Variants in FOXN4 observed in about 807,000 individuals in gnomAD.
The protein encoded by FOXN4 is forkhead box N4, also known as forkhead box protein N4.
In FOXN4, 12 loss-of-function variants were observed where a neutral mutation model predicts 45.0. The observed-to-expected ratio is 0.27, with a 90% CI of 0.17 to 0.43. The LOEUF (loss-of-function observed/expected upper bound fraction) is 0.43. Ranked by LOEUF, FOXN4 falls within the 20% of genes least tolerant of loss-of-function variation. The probability of loss-of-function intolerance (pLI) is 1.00; values close to 1 mark genes in which losing one functional copy is unlikely to be tolerated. For synonymous variants in FOXN4, 297 were observed against 295.0 expected, an observed-to-expected ratio of 1.01 and a Z score of -0.07; for missense variants, 560 against 694.9, an observed-to-expected ratio of 0.81 and a Z score of 2.18.
At chr12:109,302,811 C>T (rs1301574492) in intron 2 of FOXN4, among the ~76,000 whole-genome samples, 1 of 152,212 alleles carries the variant, frequency 6.6e-6, no homozygotes, top group African/African-American at 2.4e-5. Context: ...CTGATTACAA[C>T]AAGGTTTCGC....
rs1199980887 is a variant in FOXN4 at position 109,278,529 on chromosome 12, G to A, written c.*1142C>T. The A allele has an allele frequency of 2.0e-5, 3 of 152,194 alleles. No homozygotes were observed. The highest frequency in any genetic ancestry group is 4.4e-5 in the Non-Finnish European group (3 of 68,040). 9.4% of individuals were successfully genotyped at this position (152,194 alleles called of 1,614,324 possible). ...CAGCTGCAGGGCAAAGGGAGGTGAG[G>A]AAGTGCCAATAAATATCATGCGTTG... On this transcript the variant is annotated 3_prime_UTR_variant, in exon 10 of 10. Coordinates refer to ENST00000299162, the MANE Select transcript of FOXN4 (RefSeq NM_213596.3).
intron 2 of FOXN4, among the ~76,000 whole-genome samples, chr12:109,302,453 T>G (rs1480923747): frequency 6.6e-6 from 1 of 152,226 alleles, no homozygotes; most frequent in Non-Finnish European, 1.5e-5. Context: ...GGAAAGAATA[T>G]CCATCTTGAG....
intron 2 of FOXN4, among the ~76,000 whole-genome samples, chr12:109,303,914 A>AT (rs1237807463): frequency 2.0e-5 from 3 of 152,062 alleles, no homozygotes; most frequent in Non-Finnish European, 4.4e-5. Flanking sequence ...GGTTGTTACT[A>AT]TAAAAAAGTG....
chr12:109,279,787 G>C lies in FOXN4; in HGVS notation c.1438C>G (p.Gln480Glu), dbSNP rs774527214. ...TACGCTGTGTAGAGACCCGTCACCT[G>C]CAAGTCTGGGAAGGACTGGTCGCTG... is the stretch of plus-strand genomic sequence containing the variant. ...GGSDQSFPDL[Q>E]VTGLYTAYST... Residue 480 changes from glutamine to glutamate, a missense_variant, in exon 10 of 10, where the codon CAG (glutamine) becomes GAG (glutamate). Physicochemically the swap from Gln to Glu is conservative, Grantham distance 29. Coordinates refer to ENST00000299162, the MANE Select transcript of FOXN4 (RefSeq NM_213596.3). 6.2e-6 allele frequency: 10 copies of C among 1,607,172 alleles called. No individual in the cohort carries two copies. Among genetic ancestry groups the C allele is most frequent in the African/African-American group, 1.3e-5 (1 of 74,830 alleles).
chr12:109,305,446 T>G (rs2047912876), intron 2 of FOXN4, among the ~76,000 whole-genome samples: 1 of 152,304 alleles, frequency 6.6e-6, no homozygotes, highest in African/African-American at 2.4e-5. Flanking sequence ...AAGAAAACAC[T>G]GCTGGGCACG....
Position 109,308,277 on chromosome 12 carries a change from T to G in FOXN4, c.45A>C (p.Arg15=). ...AGGGGTGGTGATTTTGCCCTGAGTT[T>G]CGAATAATTCCTGACATTATGGATG... is the stretch of plus-strand genomic sequence containing the variant. ...DTSSIMSGII[R]NSGQNHHPSP... Residue 15 remains arginine, a synonymous_variant, in exon 2 of 10, where the codon CGA becomes CGC. Transcript: ENST00000299162. The G allele has an allele frequency of 6.4e-7, 1 of 1,552,124 alleles. No individual in the cohort carries two copies. The highest frequency in any genetic ancestry group is 8.7e-7 in the Non-Finnish European group (1 of 1,147,050).
intron 2 of FOXN4, among the ~76,000 whole-genome samples, chr12:109,305,538 C>T (rs2047913840): frequency 6.6e-6 from 1 of 152,038 alleles, no homozygotes; most frequent in Admixed American, 6.6e-5. Context: ...TGAGACCAGC[C>T]TGACCAACAT....
chr12:109,284,521 G>A (rs1421311220), intron 8 of FOXN4, among the ~76,000 whole-genome samples: 2 of 152,042 alleles, frequency 1.3e-5, no homozygotes, highest in Non-Finnish European at 2.9e-5. Flanking sequence ...CTGGTGGATG[G>A]TGGCCAGGTC....
At chr12:109,293,328 C>A (rs2047786791) in intron 2 of FOXN4, among the ~76,000 whole-genome samples, 1 of 152,180 alleles carries the variant, frequency 6.6e-6, no homozygotes, top group Non-Finnish European at 1.5e-5. Flanking sequence ...AAGCCTTTGC[C>A]ACCCAGACCC....
chr12:109,301,130 G>A lies in FOXN4; in HGVS notation c.86+7106C>T, dbSNP rs542017571. 2.0e-5 allele frequency among the ~76,000 whole-genome samples: 3 copies of A among 152,200 alleles called. No individual in the cohort carries two copies. The East Asian group carries it at 5.8e-4, about 29-fold the overall frequency. Reference sequence around the variant, plus strand: ...TGTTGCTGGAGGGAGGAAAGAAACCGGCAGGGAACAGGAGGACAGGGACCA... The same window carrying A: ...TGTTGCTGGAGGGAGGAAAGAAACCAGCAGGGAACAGGAGGACAGGGACCA... On this transcript the variant is annotated intron_variant, in intron 2 of 9. Transcript: ENST00000299162.
chr12:109,299,574 C>T (rs2047850623), intron 2 of FOXN4, among the ~76,000 whole-genome samples: 1 of 152,212 alleles, frequency 6.6e-6, no homozygotes, highest in South Asian at 2.1e-4. Flanking sequence ...GCCTCGATTT[C>T]CTCATCTGGG....
At chr12:109,285,155 CGCATATT>C in intron 8 of FOXN4, 142 bp downstream of exon 8, 2 of 914,334 alleles carry the variant, frequency 2.2e-6, no homozygotes, top group Non-Finnish European at 1.7e-6. Context: ...TGTGTGTGTG[CGCATATT>C]TGTGTGTGTG....
chr12:109,283,212 T>G (rs1230317390), intron 8 of FOXN4, among the ~76,000 whole-genome samples: 2 of 152,152 alleles, frequency 1.3e-5, no homozygotes, highest in African/African-American at 2.4e-5. Flanking sequence ...CTTTTTCTAA[T>G]TAGGAACAGG....
chr12:109,300,265 G>A (rs7967204), intron 2 of FOXN4, among the ~76,000 whole-genome samples: 5,765 of 152,150 alleles, frequency 0.038, 298 homozygotes, highest in East Asian at 0.15. Context: ...GCACTGTTCT[G>A]GCAAGCAGAA....
rs1417648139 is a variant in FOXN4 at position 109,287,511 on chromosome 12, C to T, written c.482G>A (p.Gly161Asp). ...PPGAQQCPPV[G>D]LYGPPFGVRP... is the part of the protein sequence containing the mutation. ...CACCCCAAATGGGGGGCCATAGAGG[C>T]CCACAGGAGGGCACTTCCCACAGGC... The change falls in exon 6 of 10, where the codon GGC (glycine) becomes GAC (aspartate). Residue 161 changes from glycine to aspartate, a missense_variant. By Grantham distance (94) the Gly-to-Asp change is moderately conservative. This residue lies in a region of FOXN4 where 61 missense variants were observed against 59.8 expected (regional missense o/e 1.02). Transcript: ENST00000299162. The surrounding 1 kb of genome is among the most constrained non-coding windows in gnomAD (Gnocchi z 4.1). The T allele has an allele frequency of 3.9e-6, 6 of 1,535,942 alleles. No homozygotes were observed. Among genetic ancestry groups the T allele is most frequent in the African/African-American group, 1.4e-5 (1 of 72,372 alleles).
rs576222453 is a variant in FOXN4, at chr12:109,286,106, G to A, written c.693+542C>T. 5.9e-5 allele frequency among the ~76,000 whole-genome samples: 9 copies of A among 152,290 alleles called. 1 individual carries two copies. The South Asian group carries it at 1.9e-3, about 32-fold the overall frequency. On this transcript the variant is annotated intron_variant, in intron 7 of 9. Coordinates refer to ENST00000299162, the MANE Select transcript of FOXN4 (RefSeq NM_213596.3). ...TACATGTGTGCACACACACTGTACT[G>A]CAGTATTTTTGCTAAGGACACTGTC...
intron 2 of FOXN4, among the ~76,000 whole-genome samples, chr12:109,294,722 G>A (rs1227148716): frequency 2.6e-5 from 4 of 152,064 alleles, no homozygotes; most frequent in Non-Finnish European, 5.9e-5. Context: ...GCAAGGTCCA[G>A]GGGCTGATGC....
intron 9 of FOXN4, among the ~76,000 whole-genome samples, chr12:109,280,898 C>T (rs1037508405): frequency 3.3e-5 from 5 of 152,202 alleles, no homozygotes; most frequent in African/African-American, 4.8e-5. Flanking sequence ...GGGGCTGGCA[C>T]ATGTGAGTTG....
At chr12:109,298,561 C>T (rs1214094814) in intron 2 of FOXN4, among the ~76,000 whole-genome samples, 1 of 152,058 alleles carries the variant, frequency 6.6e-6, no homozygotes, top group Non-Finnish European at 1.5e-5. Flanking sequence ...GAGAGTTTCA[C>T]CACGTTGGCC....
Sources: gnomAD v4.1 joint callset for allele counts (sites outside exome capture counted in the v4.1 genomes callset) on GRCh38, gnomAD v4.1.1 for gene constraint, gnomAD v4.1.1 regional missense constraint, Gnocchi (gnomAD v3.1) non-coding constraint, MANE v1.5 for transcripts, NCBI Gene and HGNC (gene_info 2026-07-23, HGNC 2026-07-21) for gene names.